Variants in MID1IP1 observed in about 807,000 individuals in gnomAD.
MID1IP1 encodes mid1-interacting protein 1.
Under a neutral mutation model 6.8 loss-of-function variants are expected in MID1IP1, and 3 were observed. The ratio of observed to expected loss-of-function variants is 0.44; its 90% confidence interval spans 0.20 to 1.14. The LOEUF is 1.14. Among genes scored for constraint, MID1IP1 ranks in the 50% most tolerant of loss-of-function variants. The pLI is 0.26. For missense variants in MID1IP1, 127 were observed against 158.4 expected (o/e 0.80, Z 1.06); for synonymous variants, 87 against 70.4 (o/e 1.24, Z -1.18).
In MID1IP1 at chrX:38,803,999, G is replaced by A. The variant is rs968752078; in HGVS notation, c.-679G>A. The A allele has an allele frequency of 8.8e-6, 1 of 113,533 alleles. No individual in the cohort carries two copies. Among genetic ancestry groups the A allele is most frequent in the African/African-American group, 3.2e-5 (1 of 31,141 alleles). 9.4% of individuals were successfully genotyped at this position (113,533 alleles called of 1,213,427 possible). ...GCCTGCCCAGGGCTTGGTGCTGGCG[G>A]GGTCCAGCTGCTCCAATCCCTCCTC... On this transcript the variant is annotated 5_prime_UTR_variant, in exon 2 of 3. Transcript: ENST00000614558.
rs2070511805 is a variant in MID1IP1, at chrX:38,805,659, G to A, written c.*161G>A. 4.0e-6 allele frequency: 2 copies of A among 501,866 alleles called. No individual in the cohort carries two copies. The highest frequency in any genetic ancestry group is 6.7e-6 in the Non-Finnish European group (2 of 296,388). The allele number at this position is 501,866 out of a possible 1,213,427, so 41.4% of individuals were successfully genotyped here. A position where few individuals can be genotyped will look rare whatever the true frequency, so the allele number is the denominator to read the frequency against. On this transcript the variant is annotated 3_prime_UTR_variant, in exon 3 of 3. Transcript: ENST00000614558. Reference sequence around the variant, plus strand: ...AGGCGCGGTGGGGCTGCGTGGAGGAGGGGGCCACGTGTGAGAGAGAAGAAA... The same window carrying A: ...AGGCGCGGTGGGGCTGCGTGGAGGAAGGGGCCACGTGTGAGAGAGAAGAAA...
Position 38,805,210 on chromosome X carries a change from C to T in MID1IP1, c.264C>T (p.Tyr88=). Residue 88 remains tyrosine, a synonymous_variant, in exon 3 of 3, where the codon TAC becomes TAT. Transcript: ENST00000614558. ...GSFFAPSRDM[Y]SHYVLLKSIR... is the part of the protein sequence containing the mutation. Reference sequence around the variant, plus strand: ...TTTTCGCGCCCTCTCGGGACATGTACAGCCACTACGTGCTTCTCAAGTCCA... The same window carrying T: ...TTTTCGCGCCCTCTCGGGACATGTATAGCCACTACGTGCTTCTCAAGTCCA... 2.5e-6 allele frequency: 3 copies of T among 1,208,789 alleles called. No homozygotes were observed. Among genetic ancestry groups the T allele is most frequent in the Non-Finnish European group, 3.4e-6 (3 of 893,912 alleles).
At position 38,805,323 on chromosome X, in the gene MID1IP1, T is replaced by A. The variant is rs770629129; in HGVS notation, c.377T>A (p.Ile126Asn). ...EEGSAWKSKD[I>N]LVDLGHLEGA... ...GGCAGTGCCTGGAAGTCCAAGGACATCCTGGTGGACCTGGGCCACTTGGAG... is the reference window on the plus strand; with the variant it reads ...GGCAGTGCCTGGAAGTCCAAGGACAACCTGGTGGACCTGGGCCACTTGGAG... The change falls in exon 3 of 3, where the codon ATC becomes AAC. Residue 126 changes from isoleucine to asparagine, a missense_variant. By Grantham distance (149) the Ile-to-Asn change is moderately radical (BLOSUM62 -3). Coordinates refer to ENST00000614558, the MANE Select transcript of MID1IP1 (RefSeq NM_021242.6). The A allele has an allele frequency of 8.3e-7, 1 of 1,208,759 alleles. No individual in the cohort carries two copies. Among genetic ancestry groups the A allele is most frequent in the Non-Finnish European group, 1.1e-6 (1 of 894,292 alleles).
At position 38,804,722 on chromosome X, in the gene MID1IP1, G is replaced by T; in HGVS notation, c.-225G>T. On this transcript the variant is annotated 5_prime_UTR_variant, in exon 3 of 3. Transcript: ENST00000614558. ...CACAGAGCACCCTCAGCCATCGCGA[G>T]TTTCCGGGCGCCAAAGCCAGGAGAA... The T allele has an allele frequency of 2.5e-6, 1 of 402,205 alleles. No homozygotes were observed. The highest frequency in any genetic ancestry group is 4.9e-5 in the South Asian group (1 of 20,244). 33.1% of individuals were successfully genotyped at this position (402,205 alleles called of 1,213,427 possible).
Position 38,806,271 on chromosome X carries a change from CATT to C in MID1IP1, c.*779_*781del, listed in dbSNP as rs1290201177. 1 of 98,783 alleles carries C rather than the reference CATT, an allele frequency of 1.0e-5. No individual in the cohort carries two copies. Among genetic ancestry groups the C allele is most frequent in the Non-Finnish European group, 2.1e-5 (1 of 48,019 alleles). 8.1% of individuals were successfully genotyped at this position (98,783 alleles called of 1,213,427 possible). ...GCTTGCCACTCAGTGAAAATAATAA[CATT>C]ATTATGAGAAAGTGGACTTAACCGA... On this transcript the variant is annotated 3_prime_UTR_variant, in exon 3 of 3. Transcript: ENST00000614558.
Position 38,805,280 on chromosome X carries a change from C to A in MID1IP1, c.334C>A (p.Pro112Thr). The change falls in exon 3 of 3, where the codon CCG becomes ACG. Residue 112 changes from proline to threonine, a missense_variant. Physicochemically the swap from Pro to Thr is conservative, Grantham distance 38. Transcript: ENST00000614558. ...EWGVLHQPPPPAGSEEGSAWK... is the reference protein window; with the variant it reads ...EWGVLHQPPPTAGSEEGSAWK... Reference sequence around the variant, plus strand: ...GGGGGTCCTGCACCAGCCGCCTCCACCGGCTGGGAGCGAGGAGGGCAGTGC... The same window carrying A: ...GGGGGTCCTGCACCAGCCGCCTCCAACGGCTGGGAGCGAGGAGGGCAGTGC... 1.7e-6 allele frequency: 2 copies of A among 1,201,572 alleles called. No homozygotes were observed. Among genetic ancestry groups the A allele is most frequent in the Non-Finnish European group, 2.2e-6 (2 of 889,798 alleles).
rs947506158 is a variant in MID1IP1 at position 38,803,666 on chromosome X, G to A, written c.-1012G>A. The A allele has an allele frequency of 8.9e-6, 1 of 112,856 alleles. No individual in the cohort carries two copies. The highest frequency in any genetic ancestry group is 9.3e-5 in the Admixed American group (1 of 10,805). The allele number at this position is 112,856 out of a possible 1,213,427, so 9.3% of individuals were successfully genotyped here. A position where few individuals can be genotyped will look rare whatever the true frequency, so the allele number is the denominator to read the frequency against. ...GCCAGGGCCACTGCGGGAGCACCGC[G>A]CGTCCACGTGCACCCAGCATGCCCG... On this transcript the variant is annotated 5_prime_UTR_variant, in exon 2 of 3. Coordinates refer to ENST00000614558, the MANE Select transcript of MID1IP1 (RefSeq NM_021242.6).
Position 38,802,346 on chromosome X carries a change from C to T in MID1IP1, c.-2143-189C>T, listed in dbSNP as rs191616068. Among the ~76,000 whole-genome samples the T allele has an allele frequency of 8.7e-3, 980 of 112,297 alleles. 9 individuals are homozygous for T. The highest frequency in any genetic ancestry group is 0.03 in the African/African-American group (939 of 30,844). ...ATGCTTCAAAGTTATATAATGCTTC[C>T]TGCCTCCCTGTATTTTTCTTTCCAT... On this transcript the variant is annotated intron_variant, in intron 1 of 2. Transcript: ENST00000614558.
At position 38,804,963 on chromosome X, in the gene MID1IP1, A is replaced by T; in HGVS notation, c.17A>T (p.Asp6Val). ...GCGGCCACCATGATGCAAATCTGCG[A>T]CACCTACAACCAGAAGCACTCGCTC... MMQIC[D>V]TYNQKHSLFN... Residue 6 changes from aspartate (D) to valine (V), a missense_variant, in exon 3 of 3, where the codon GAC becomes GTC. Transcript: ENST00000614558. 8.5e-7 allele frequency: 1 copy of T among 1,174,662 alleles called. No individual in the cohort carries two copies. The highest frequency in any genetic ancestry group is 1.1e-6 in the Non-Finnish European group (1 of 873,096).
Position 38,806,238 on chromosome X carries a change from T to A in MID1IP1, c.*740T>A, listed in dbSNP as rs2070518144. 9.1e-6 allele frequency: 1 copy of A among 109,480 alleles called. No homozygotes were observed. Among genetic ancestry groups the A allele is most frequent in the African/African-American group, 3.8e-5 (1 of 26,436 alleles). 9.0% of individuals were successfully genotyped at this position (109,480 alleles called of 1,213,427 possible). On this transcript the variant is annotated 3_prime_UTR_variant, in exon 3 of 3. Transcript: ENST00000614558. ...TGTATAAGCTGGCATTTCGCCAGCT[T>A]GTACGTAGCTTGCCACTCAGTGAAA...
At position 38,806,513 on chromosome X, in the gene MID1IP1, T is replaced by C. The variant is rs2070521193; in HGVS notation, c.*1015T>C. ...TTTCGTCATTAAATAAAAATCAATT[T>C]AATTGATTTACTAGCAAAAGTAAAT... On this transcript the variant is annotated 3_prime_UTR_variant, in exon 3 of 3. Transcript: ENST00000614558. 8.1e-6 allele frequency: 1 copy of C among 123,437 alleles called. No homozygotes were observed. Among genetic ancestry groups the C allele is most frequent in the African/African-American group, 3.3e-5 (1 of 30,751 alleles). The allele number at this position is 123,437 out of a possible 1,213,427, so 10.2% of individuals were successfully genotyped here.
chrX:38,803,757 C>A lies in MID1IP1; in HGVS notation c.-921C>A, dbSNP rs2070480862. ...CCTGCTGCCGGCCCCTCTTCCCCGA[C>A]GGCTAATAATAAACCCGGGTTCCTG... On this transcript the variant is annotated 5_prime_UTR_variant, in exon 2 of 3. Coordinates refer to ENST00000614558, the MANE Select transcript of MID1IP1 (RefSeq NM_021242.6). 1 of 112,804 alleles carries A rather than the reference C, an allele frequency of 8.9e-6. No individual in the cohort carries two copies. The highest frequency in any genetic ancestry group is 1.9e-5 in the Non-Finnish European group (1 of 53,336). The allele number at this position is 112,804 out of a possible 1,213,427, so 9.3% of individuals were successfully genotyped here.
At position 38,804,172 on chromosome X, in the gene MID1IP1, C is replaced by T. The variant is rs2070488496; in HGVS notation, c.-506C>T. On this transcript the variant is annotated 5_prime_UTR_variant, in exon 2 of 3. Transcript: ENST00000614558. ...TACTCGCGGTCATCCCGGCCTGGGC[C>T]TTTTATCTCGGTGCTGCCGGGGGAG... 1.8e-5 allele frequency: 2 copies of T among 113,180 alleles called. No homozygotes were observed. The highest frequency in any genetic ancestry group is 3.7e-5 in the Non-Finnish European group (2 of 53,456). 9.3% of individuals were successfully genotyped at this position (113,180 alleles called of 1,213,427 possible).
chrX:38,804,988 C>T lies in MID1IP1; in HGVS notation c.42C>T (p.Leu14=). 3 of 1,196,331 alleles carry T rather than the reference C, an allele frequency of 2.5e-6. No homozygotes were observed. The highest frequency in any genetic ancestry group is 3.4e-6 in the Non-Finnish European group (3 of 884,829). The change falls in exon 3 of 3, where the codon CTC becomes CTT. Residue 14 remains leucine (L), a synonymous_variant. Coordinates refer to ENST00000614558, the MANE Select transcript of MID1IP1 (RefSeq NM_021242.6). ...ICDTYNQKHS[L]FNAMNRFIGA... is the part of the protein sequence containing the mutation. ...ACACCTACAACCAGAAGCACTCGCTCTTTAACGCCATGAATCGCTTCATTG... is the reference window on the plus strand; with the variant it reads ...ACACCTACAACCAGAAGCACTCGCTTTTTAACGCCATGAATCGCTTCATTG...
rs2070498937 is a variant in MID1IP1, at chrX:38,804,966, C to T, written c.20C>T (p.Thr7Ile). 5.1e-6 allele frequency: 6 copies of T among 1,182,927 alleles called. No individual in the cohort carries two copies. The highest frequency in any genetic ancestry group is 6.8e-6 in the Non-Finnish European group (6 of 876,835). The change falls in exon 3 of 3, where the codon ACC becomes ATC. Residue 7 changes from threonine to isoleucine, a missense_variant. Thr to Ile is a moderately conservative substitution (Grantham distance 89). Transcript: ENST00000614558. MMQICD[T>I]YNQKHSLFNA... is the part of the protein sequence containing the mutation. ...GCCACCATGATGCAAATCTGCGACA[C>T]CTACAACCAGAAGCACTCGCTCTTT...
In MID1IP1 at chrX:38,805,817, T is replaced by A; in HGVS notation, c.*319T>A. 1 of 275,064 alleles carries A rather than the reference T, an allele frequency of 3.6e-6. No homozygotes were observed. Among genetic ancestry groups the A allele is most frequent in the South Asian group, 7.4e-5 (1 of 13,442 alleles). The allele number at this position is 275,064 out of a possible 1,213,427, so 22.7% of individuals were successfully genotyped here. On this transcript the variant is annotated 3_prime_UTR_variant, in exon 3 of 3. Coordinates refer to ENST00000614558, the MANE Select transcript of MID1IP1 (RefSeq NM_021242.6). Reference sequence around the variant, plus strand: ...TCCTGGGGTTTCTTTTCTGTTCTTTTCGGAGGAGAGGGCCCGAGAAGGGGC... The same window carrying A: ...TCCTGGGGTTTCTTTTCTGTTCTTTACGGAGGAGAGGGCCCGAGAAGGGGC...
At position 38,805,227 on chromosome X, in the gene MID1IP1, T is replaced by C. The variant is rs1238596553; in HGVS notation, c.281T>C (p.Leu94Pro). 8.3e-7 allele frequency: 1 copy of C among 1,201,976 alleles called. No individual in the cohort carries two copies. The change falls in exon 3 of 3, where the codon CTC becomes CCC. Residue 94 changes from leucine (L) to proline (P), a missense_variant. Coordinates refer to ENST00000614558, the MANE Select transcript of MID1IP1 (RefSeq NM_021242.6). ...GACATGTACAGCCACTACGTGCTTC[T>C]CAAGTCCATCCGCAACGACATCGAG... ...SRDMYSHYVL[L>P]KSIRNDIEWG...
At position 38,805,282 on chromosome X, in the gene MID1IP1, G is replaced by A. The variant is rs147719016; in HGVS notation, c.336G>A (p.Pro112=). The change falls in exon 3 of 3, where the codon CCG becomes CCA. Residue 112 remains proline, a synonymous_variant. Coordinates refer to ENST00000614558, the MANE Select transcript of MID1IP1 (RefSeq NM_021242.6). ...EWGVLHQPPP[P]AGSEEGSAWK... ...GGGTCCTGCACCAGCCGCCTCCACC[G>A]GCTGGGAGCGAGGAGGGCAGTGCCT... is the stretch of plus-strand genomic sequence containing the variant. 4 of 1,199,626 alleles carry A rather than the reference G, an allele frequency of 3.3e-6. No homozygotes were observed. The African/African-American group carries it at 7.1e-5, about 21-fold the overall frequency.
chrX:38,802,101 A>T lies in MID1IP1; in HGVS notation c.-2143-434A>T, dbSNP rs2070460801. On this transcript the variant is annotated intron_variant, in intron 1 of 2. Coordinates refer to ENST00000614558, the MANE Select transcript of MID1IP1 (RefSeq NM_021242.6). ...AATTTCCACACTTTTAAGGTTTCTG[A>T]CTCTTCACATAAACACCTCTCACTA... 4.5e-5 allele frequency among the ~76,000 whole-genome samples: 5 copies of T among 111,622 alleles called. No homozygotes were observed. The Admixed American group carries it at 4.7e-4, about 11-fold the overall frequency.
Sources: gnomAD v4.1 joint callset for allele counts (sites outside exome capture counted in the v4.1 genomes callset) on GRCh38, gnomAD v4.1.1 for gene constraint, MANE v1.5 for transcripts, NCBI Gene and HGNC (gene_info 2026-07-23, HGNC 2026-07-21) for gene names.